The following SLC16A1 variants were observed in gnomAD, a reference collection of about 807,000 sequenced individuals.
SLC16A1 encodes the protein solute carrier family 16 member 1.
A neutral mutation model predicts 32.2 loss-of-function variants in SLC16A1; 11 were observed. The ratio of observed to expected loss-of-function variants is 0.34; its 90% CI spans 0.21 to 0.56. The LOEUF (loss-of-function observed/expected upper bound fraction) is 0.56. Ranked by LOEUF, SLC16A1 falls within the 20% of genes least tolerant of loss-of-function variation. The pLI is 0.87. For synonymous variants in SLC16A1, 231 were observed against 226.8 expected, an observed-to-expected ratio of 1.02 and a Z score of -0.17; for missense variants, 435 against 615.0, an observed-to-expected ratio of 0.71 and a Z score of 3.10.
intron 1 of SLC16A1, among the ~76,000 whole-genome samples, chr1:112,932,493 G>A (rs1052399630): frequency 3.3e-5 from 5 of 151,846 alleles, no homozygotes; most frequent in African/African-American, 1.2e-4. Flanking sequence ...TGATCATGCT[G>A]CTGCACTCCA....
At chr1:112,942,064 T>TG (rs1649531516) in intron 1 of SLC16A1, among the ~76,000 whole-genome samples, 1 of 152,062 alleles carries the variant, frequency 6.6e-6, no homozygotes, top group Non-Finnish European at 1.5e-5. Flanking sequence ...CTCCACCTTC[T>TG]GGGTTCAAGC....
chr1:112,947,467 A>G (rs933158495), intron 1 of SLC16A1, among the ~76,000 whole-genome samples: 5 of 152,134 alleles, frequency 3.3e-5, no homozygotes, highest in Admixed American at 3.3e-4. Flanking sequence ...TAAGAAAAAG[A>G]TAAACAACAG....
intron 1 of SLC16A1, among the ~76,000 whole-genome samples, chr1:112,947,841 A>T (rs936453630): frequency 1.3e-5 from 2 of 152,196 alleles, no homozygotes; most frequent in African/African-American, 4.8e-5. Flanking sequence ...GTAACAGACA[A>T]ATCTCACAAA....
In SLC16A1 at chr1:112,914,150, A is replaced by G. The variant is rs764803533; in HGVS notation, c.1244T>C (p.Met415Thr). The change falls in exon 5 of 5, where the codon ATG becomes ACG. Residue 415 changes from methionine to threonine, a missense_variant. This residue lies in a region of SLC16A1 where 111 missense variants were observed against 114.7 expected (regional missense o/e 0.97). Coordinates refer to ENST00000369626, the MANE Select transcript of SLC16A1 (RefSeq NM_003051.4). ...GPPLLGRLND[M>T]YGDYKYTYWA... ...GTATGTGTATTTGTAGTCTCCATAC[A>G]TGTCATTGAGCCGACCTAAATATGT... The G allele has an allele frequency of 1.9e-6, 3 of 1,614,192 alleles. No individual in the cohort carries two copies. Among genetic ancestry groups the G allele is most frequent in the South Asian group, 1.1e-5 (1 of 91,088 alleles).
chr1:112,947,992 G>T (rs895856383), intron 1 of SLC16A1, among the ~76,000 whole-genome samples: 56 of 152,182 alleles, frequency 3.7e-4, no homozygotes, highest in African/African-American at 1.4e-3. Context: ...GCCAAGGTGG[G>T]CGGATCACCT....
At chr1:112,940,039 ATT>A (rs55864843) in intron 1 of SLC16A1, among the ~76,000 whole-genome samples, 4,031 of 108,490 alleles carry the variant, frequency 0.037, 172 homozygotes, top group African/African-American at 0.11. Context: ...CTGATGGGTG[ATT>A]TTTTTTTTTT....
chr1:112,952,943 C>T (rs565171407), intron 1 of SLC16A1, among the ~76,000 whole-genome samples: 11 of 152,270 alleles, frequency 7.2e-5, no homozygotes, highest in African/African-American at 9.6e-5. Context: ...ATATCCTTAA[C>T]GTCTCTGACT....
chr1:112,938,435 T>C (rs926712198), intron 1 of SLC16A1, among the ~76,000 whole-genome samples: 3 of 152,072 alleles, frequency 2.0e-5, no homozygotes, highest in Non-Finnish European at 4.4e-5. Context: ...CTGAATACAT[T>C]GAGGAAACCA....
rs918764706 is a variant in SLC16A1 at position 112,932,052 on chromosome 1, C to T, written c.-44-2700G>A. Among the ~76,000 whole-genome samples, 12 of 152,314 alleles carry T rather than the reference C, an allele frequency of 7.9e-5. No homozygotes were observed. The East Asian group carries it at 2.1e-3, about 27-fold the overall frequency. ...AACTCCAAAACACTGTTCCTTCCAA[C>T]CCCTATGAACACTTCAAATACAATT... On this transcript the variant is annotated intron_variant, in intron 1 of 4. Coordinates refer to ENST00000369626, the MANE Select transcript of SLC16A1 (RefSeq NM_003051.4).
rs199785932 is a variant in SLC16A1, at chr1:112,929,073, G to C, written c.217+19C>G. ...CTGCTTCATGAAAATTAAAAGAGCA[G>C]GCCTTAATGGGTACTTACCTCCACC... On this transcript the variant is annotated intron_variant, in intron 2 of 4. Transcript: ENST00000369626. 1 of 1,573,992 alleles carries C rather than the reference G, an allele frequency of 6.4e-7. No homozygotes were observed. The highest frequency in any genetic ancestry group is 1.4e-5 in the African/African-American group (1 of 74,030).
chr1:112,913,729 G>A lies in SLC16A1; in HGVS notation c.*162C>T, dbSNP rs1419683661. 5 of 794,740 alleles carry A rather than the reference G, an allele frequency of 6.3e-6. No homozygotes were observed. The East Asian group carries it at 1.2e-4, about 20-fold the overall frequency. 49.2% of individuals were successfully genotyped at this position (794,740 alleles called of 1,614,324 possible). ...ATTCCCTCCTCAAATTCAGGCTATT[G>A]GTAAGGAGTCAAACAAAAATCCCAT... On this transcript the variant is annotated 3_prime_UTR_variant, in exon 5 of 5. Transcript: ENST00000369626.
At chr1:112,922,644 G>GC (rs907159841) in intron 2 of SLC16A1, among the ~76,000 whole-genome samples, 1 of 152,022 alleles carries the variant, frequency 6.6e-6, no homozygotes, top group African/African-American at 2.4e-5. Context: ...CGTGGTTGGC[G>GC]CGTGCCTGTA....
At chr1:112,951,337 C>A (rs1163620338) in intron 1 of SLC16A1, among the ~76,000 whole-genome samples, 1 of 149,940 alleles carries the variant, frequency 6.7e-6, no homozygotes, top group African/African-American at 2.5e-5. Context: ...TAAGAAGATT[C>A]AGAGGTTTTA....
chr1:112,941,497 G>A (rs1649512588), intron 1 of SLC16A1, among the ~76,000 whole-genome samples: 1 of 152,092 alleles, frequency 6.6e-6, no homozygotes, highest in Non-Finnish European at 1.5e-5. Flanking sequence ...TGGTCAGGCT[G>A]GTCTCAAACC....
At chr1:112,924,029 A>G (rs746432114) in intron 2 of SLC16A1, 78 of 1,302,436 alleles carry the variant, frequency 6.0e-5, no homozygotes, top group Non-Finnish European at 7.9e-5. Context: ...TTGGGACTCA[A>G]TGGGCAGAGA....
intron 3 of SLC16A1, among the ~76,000 whole-genome samples, chr1:112,920,396 A>G (rs1648679062): frequency 6.6e-6 from 1 of 152,152 alleles, no homozygotes; most frequent in East Asian, 1.9e-4. Flanking sequence ...CCATGAGGTC[A>G]GGAGTTTGAG....
intron 2 of SLC16A1, chr1:112,923,902 C>T (rs1648831854): frequency 6.6e-7 from 1 of 1,525,310 alleles, no homozygotes; most frequent in East Asian, 2.3e-5. Flanking sequence ...GAGCTCTTCC[C>T]CTGCCTCAGG....
chr1:112,930,348 C>T (rs1419681131), intron 1 of SLC16A1, among the ~76,000 whole-genome samples: 1 of 151,948 alleles, frequency 6.6e-6, no homozygotes, highest in Admixed American at 6.6e-5. Context: ...CCCCACACTT[C>T]TGGTTACAGT....
rs1648372167 is a variant in SLC16A1 at position 112,912,869 on chromosome 1, C to A, written c.*1022G>T. 1 of 150,364 alleles carries A rather than the reference C, an allele frequency of 6.7e-6. No individual in the cohort carries two copies. The highest frequency in any genetic ancestry group is 1.5e-5 in the Non-Finnish European group (1 of 67,704). The allele number at this position is 150,364 out of a possible 1,614,324, so 9.3% of individuals were successfully genotyped here. On this transcript the variant is annotated 3_prime_UTR_variant, in exon 5 of 5. Coordinates refer to ENST00000369626, the MANE Select transcript of SLC16A1 (RefSeq NM_003051.4). ...CACATATCTCACACATAGCACTAAG[C>A]TAGAAGCAGATATAAATGGGACCAC...
Sources: allele counts gnomAD v4.1 joint callset (sites outside exome capture counted in the v4.1 genomes callset), GRCh38; gene constraint gnomAD v4.1.1; regional missense constraint gnomAD v4.1.1; transcripts MANE v1.5; gene names NCBI Gene and HGNC (gene_info 2026-07-23, HGNC 2026-07-21).